The following DSCAML1 variants were observed in gnomAD, a reference collection of about 807,000 sequenced individuals.
The protein encoded by DSCAML1 is DS cell adhesion molecule like 1.
Under a neutral mutation model 200.5 loss-of-function variants are expected in DSCAML1, and 38 were observed. The observed-to-expected ratio is 0.19, with a 90% CI of 0.15 to 0.25. The LOEUF is 0.25. Ranked by LOEUF, DSCAML1 falls within the 10% of genes least tolerant of loss-of-function variation. The pLI is 1.00. For synonymous variants in DSCAML1, 1,215 were observed against 1,165.0 expected (o/e 1.04, Z -0.87); for missense variants, 2,223 against 2,858.8 (o/e 0.78, Z 5.07).
At chr11:117,758,340 C>A (rs2054734543) in intron 3 of DSCAML1, among the ~76,000 whole-genome samples, 1 of 151,518 alleles carries the variant, frequency 6.6e-6, no homozygotes, top group South Asian at 2.1e-4. Flanking sequence ...TTAATCATTC[C>A]TCTGTTTATT....
rs1005043807 is a variant in DSCAML1, at chr11:117,524,819, A to G, written c.923T>C (p.Ile308Thr). The change falls in exon 5 of 33, where the codon ATC (isoleucine) becomes ACC (threonine). Residue 308 changes from isoleucine (I) to threonine (T), a missense_variant. Physicochemically the swap from Ile to Thr is moderately conservative, Grantham distance 89. Around this residue, in one of 7 missense-constraint regions of DSCAML1, gnomAD observed 579 missense variants for 721.5 expected, o/e 0.80. Coordinates refer to ENST00000651296, the MANE Select transcript of DSCAML1 (RefSeq NM_020693.4). ...CCCCGACTCACCAATGACCATGAGG[A>G]TGCCTGTGGCCTCTGCCGAACCGAA... is the stretch of plus-strand genomic sequence containing the variant. ...NTFGSAEATG[I>T]LMVIDPLHVT... 2 of 1,585,124 alleles carry G rather than the reference A, an allele frequency of 1.3e-6. No homozygotes were observed. The highest frequency in any genetic ancestry group is 3.5e-5 in the Admixed American group (2 of 56,386).
chr11:117,438,833 CG>C, intron 24 of DSCAML1, 51 bp downstream of exon 24: 1 of 1,437,912 alleles, frequency 7.0e-7, no homozygotes, highest in South Asian at 1.5e-5. Flanking sequence ...TTCCCTGCCC[CG>C]GGCCCAGAAT....
At chr11:117,551,070 C>T (rs919399597) in intron 3 of DSCAML1, among the ~76,000 whole-genome samples, 3 of 152,176 alleles carry the variant, frequency 2.0e-5, no homozygotes, top group Admixed American at 2.0e-4. Context: ...CCCCTCTTCT[C>T]AGGATTCACC....
At chr11:117,608,151 A>G (rs546668794) in intron 3 of DSCAML1, among the ~76,000 whole-genome samples, 9 of 152,356 alleles carry the variant, frequency 5.9e-5, no homozygotes, top group Non-Finnish European at 1.0e-4. Context: ...CCTAGCGGGT[A>G]AATCTACGGG....
intron 1 of DSCAML1, among the ~76,000 whole-genome samples, chr11:117,788,885 C>T (rs575795701): frequency 5.2e-4 from 79 of 152,192 alleles, no homozygotes; most frequent in Non-Finnish European, 9.1e-4. Context: ...CAGACCATCC[C>T]CATGGTGTGA....
At chr11:117,717,717 T>C (rs1423671240) in intron 3 of DSCAML1, among the ~76,000 whole-genome samples, 1 of 152,054 alleles carries the variant, frequency 6.6e-6, no homozygotes, top group Non-Finnish European at 1.5e-5. Context: ...ATACTCACGC[T>C]CCCACAATGC....
chr11:117,643,692 G>A (rs959527725), intron 3 of DSCAML1, among the ~76,000 whole-genome samples: 2 of 152,134 alleles, frequency 1.3e-5, no homozygotes, highest in South Asian at 2.1e-4. Context: ...GGGGAGGAGT[G>A]GGGGGTGCCC....
chr11:117,672,509 A>T (rs2053131645), intron 3 of DSCAML1, among the ~76,000 whole-genome samples: 1 of 152,150 alleles, frequency 6.6e-6, no homozygotes, highest in African/African-American at 2.4e-5. Flanking sequence ...AAGGATAAGG[A>T]TTTGCCATCA....
At chr11:117,554,463 C>T (rs1302884906) in intron 3 of DSCAML1, among the ~76,000 whole-genome samples, 1 of 152,104 alleles carries the variant, frequency 6.6e-6, no homozygotes, top group East Asian at 1.9e-4. Flanking sequence ...TCACTGAAAC[C>T]TCCGCCTCCT....
At chr11:117,532,248 CTCTT>C in intron 4 of DSCAML1, 124 bp downstream of exon 4, 1 of 882,540 alleles carries the variant, frequency 1.1e-6, no homozygotes, top group East Asian at 2.7e-5. Flanking sequence ...TTTCTTTAAT[CTCTT>C]TCTCTGATTT....
intron 24 of DSCAML1, 74 bp downstream of exon 24, chr11:117,438,811 G>C: frequency 7.8e-7 from 1 of 1,282,142 alleles, no homozygotes; most frequent in African/African-American, 1.6e-5. Flanking sequence ...TGGCAGAAGT[G>C]GGTGAAGCCC....
chr11:117,487,203 G>T (rs2049091194), intron 11 of DSCAML1, among the ~76,000 whole-genome samples: 1 of 152,010 alleles, frequency 6.6e-6, no homozygotes, highest in Non-Finnish European at 1.5e-5. Context: ...GGGATTACAG[G>T]TGTGAGCCAC....
intron 3 of DSCAML1, among the ~76,000 whole-genome samples, chr11:117,680,139 A>G (rs1428681605): frequency 2.0e-5 from 3 of 152,232 alleles, no homozygotes; most frequent in Non-Finnish European, 2.9e-5. Flanking sequence ...GTTCCAGCCT[A>G]GCTCTGCCAT....
chr11:117,780,181 A>G lies in DSCAML1; in HGVS notation c.364+312T>C, dbSNP rs186138864. Among the ~76,000 whole-genome samples the G allele has an allele frequency of 2.7e-4, 34 of 124,206 alleles. No homozygotes were observed. The East Asian group carries it at 7.6e-3, about 28-fold the overall frequency. The allele number at this position is 124,206 out of a possible 152,430, so 81.5% of individuals were successfully genotyped here. A position where few individuals can be genotyped will look rare whatever the true frequency, so the allele number is the denominator to read the frequency against. On this transcript the variant is annotated intron_variant, in intron 2 of 32. Transcript: ENST00000651296. The surrounding 1 kb of genome is among the most constrained non-coding windows in gnomAD (Gnocchi z 4.8). ...AGAGAAAGAAAGAAAGAAAAAAAGAAAAAAAGAAAGAAAGAAAGAGAAAGA... is the reference window on the plus strand; with the variant it reads ...AGAGAAAGAAAGAAAGAAAAAAAGAGAAAAAGAAAGAAAGAAAGAGAAAGA...
chr11:117,451,670 C>T (rs1276018405), intron 19 of DSCAML1, among the ~76,000 whole-genome samples: 2 of 152,046 alleles, frequency 1.3e-5, no homozygotes, highest in Non-Finnish European at 2.9e-5. Context: ...CAAAAATTAG[C>T]CAGGCATGGT....
At chr11:117,458,573 C>G (rs113968937) in intron 19 of DSCAML1, among the ~76,000 whole-genome samples, 181 bp downstream of exon 19, 3,747 of 152,038 alleles carry the variant, frequency 0.025, 62 homozygotes, top group Non-Finnish European at 0.03. Flanking sequence ...TTCACAGTTG[C>G]TTATCTGCTC....
intron 3 of DSCAML1, among the ~76,000 whole-genome samples, chr11:117,555,439 G>A (rs961260212): frequency 1.8e-4 from 27 of 152,294 alleles, no homozygotes; most frequent in South Asian, 4.2e-4. Context: ...CTCAAGGTGC[G>A]CAGGGAGCCC....
At chr11:117,745,226 G>GT (rs1241811691) in intron 3 of DSCAML1, among the ~76,000 whole-genome samples, 155 of 62,470 alleles carry the variant, frequency 2.5e-3, no homozygotes, top group African/African-American at 7.4e-3. Flanking sequence ...GCTACCTGGG[G>GT]CGGGGGTGGC....
chr11:117,513,697 C>T (rs7107020), intron 8 of DSCAML1, among the ~76,000 whole-genome samples: 114,768 of 148,924 alleles, frequency 0.77, 45,214 homozygotes, highest in African/African-American at 0.94. Flanking sequence ...GCTGAGATCA[C>T]GCCACTGCAC....
Sources: allele counts gnomAD v4.1 joint callset (sites outside exome capture counted in the v4.1 genomes callset), GRCh38; gene constraint gnomAD v4.1.1; regional missense constraint gnomAD v4.1.1; non-coding constraint Gnocchi (gnomAD v3.1); transcripts MANE v1.5; gene names NCBI Gene and HGNC (gene_info 2026-07-23, HGNC 2026-07-21).